Variants in DOCK7 observed in about 807,000 individuals in gnomAD.
The protein encoded by DOCK7 is dedicator of cytokinesis 7.
In DOCK7, 138 loss-of-function variants were observed where a neutral mutation model predicts 271.0. The ratio of observed to expected loss-of-function variants is 0.51; its 90% CI spans 0.44 to 0.59. The LOEUF is 0.59. DOCK7 is among the 20% of genes least tolerant of loss of function. The pLI, the probability that DOCK7 is intolerant of heterozygous loss-of-function variation, is 0.00. For synonymous variants in DOCK7, 823 were observed against 876.1 expected (o/e 0.94, Z 1.07); for missense variants, 2,066 against 2,592.4 (o/e 0.80, Z 4.41).
chr1:62,517,247 C>T (rs150530334), intron 31 of DOCK7, among the ~76,000 whole-genome samples: 163 of 152,252 alleles, frequency 1.1e-3, no homozygotes, highest in African/African-American at 3.6e-3. Context: ...CCTAAATTTC[C>T]ATTTTAGGTA....
chr1:62,598,008 T>A (rs1649539520), intron 14 of DOCK7: 1 of 1,572,398 alleles, frequency 6.4e-7, no homozygotes, highest in East Asian at 2.3e-5. Context: ...ACTAACTAAC[T>A]TAATTCAAAA....
At chr1:62,485,138 A>G in intron 43 of DOCK7, 2 of 985,028 alleles carry the variant, frequency 2.0e-6, no homozygotes, top group Non-Finnish European at 2.4e-6. Flanking sequence ...CCCATCTCAT[A>G]AACAAAAATT....
chr1:62,506,886 G>A (rs940954848), intron 35 of DOCK7, among the ~76,000 whole-genome samples: 2 of 151,420 alleles, frequency 1.3e-5, no homozygotes, highest in Non-Finnish European at 2.9e-5. Flanking sequence ...GGCGGAGGTT[G>A]TGGTGAGCTG....
intron 1 of DOCK7, among the ~76,000 whole-genome samples, chr1:62,670,773 C>G (rs1659893699): frequency 6.6e-6 from 1 of 152,158 alleles, no homozygotes; most frequent in Non-Finnish European, 1.5e-5. Flanking sequence ...CCACTCGACT[C>G]TACCAATCAG....
At chr1:62,487,197 A>G (rs1438523842) in intron 43 of DOCK7, 2 of 432,302 alleles carry the variant, frequency 4.6e-6, no homozygotes, top group East Asian at 3.3e-5. Flanking sequence ...ATGGATTTCC[A>G]TGCACTGCCT....
chr1:62,612,905 G>A (rs1249972740), intron 14 of DOCK7, among the ~76,000 whole-genome samples: 1 of 152,138 alleles, frequency 6.6e-6, no homozygotes, highest in Non-Finnish European at 1.5e-5. Flanking sequence ...GCCATTACTG[G>A]AAATGCGGCT....
chr1:62,492,767 T>C lies in DOCK7; in HGVS notation c.5298A>G (p.Gly1766=). 1.9e-6 allele frequency: 3 copies of C among 1,614,114 alleles called. No individual in the cohort carries two copies. Among genetic ancestry groups the C allele is most frequent in the Non-Finnish European group, 2.5e-6 (3 of 1,179,988 alleles). Residue 1766 remains glycine (G), a synonymous_variant, in exon 41 of 50, where the codon GGA becomes GGG. Transcript: ENST00000635253. ...VSPDEEGICS[G]KYFTESGLVG... ...CAAGTCCTGACTCAGTAAAGTATTT[T>C]CCAGAGCAGATACCTTCTTCATCTG...
intron 14 of DOCK7, among the ~76,000 whole-genome samples, chr1:62,610,677 T>C (rs368381717): frequency 2.6e-5 from 4 of 152,216 alleles, no homozygotes; most frequent in African/African-American, 9.6e-5. Flanking sequence ...GTGTTCTCAT[T>C]GTTTAGCTCC....
At chr1:62,486,516 T>C (rs543394494) in intron 43 of DOCK7, 3 of 152,114 alleles carry the variant, frequency 2.0e-5, no homozygotes, top group African/African-American at 7.2e-5. Flanking sequence ...GCATATTTTA[T>C]AGAATTATTT....
chr1:62,539,766 A>G lies in DOCK7; in HGVS notation c.3172T>C (p.Ser1058Pro). The stretch of plus-strand genomic sequence containing the variant: ...GTTATCATTACCTTCTGAAATCGTG[A>G]AACTATATCACTAGCAATCGTGCTG... Reference protein sequence around the residue: ...LVSTIASDIVSRFQKDTEMVE... With the variant: ...LVSTIASDIVPRFQKDTEMVE... Residue 1058 changes from serine (S) to proline (P), a missense_variant, in exon 26 of 50, where the codon TCA becomes CCA. By Grantham distance (74) the Ser-to-Pro change is moderately conservative. This residue lies in a region of DOCK7 where 1,414 missense variants were observed against 1,670.4 expected (regional missense o/e 0.85). Transcript: ENST00000635253. 1 of 1,612,942 alleles carries G rather than the reference A, an allele frequency of 6.2e-7. No homozygotes were observed. The highest frequency in any genetic ancestry group is 8.5e-7 in the Non-Finnish European group (1 of 1,179,688).
chr1:62,529,983 T>TTA (rs1269751048), intron 29 of DOCK7, among the ~76,000 whole-genome samples: 26 of 152,202 alleles, frequency 1.7e-4, no homozygotes, highest in Non-Finnish European at 2.9e-5. Flanking sequence ...CCTTACAACT[T>TTA]TTTTAGACTC....
chr1:62,662,193 T>A (rs1171854305), intron 2 of DOCK7, among the ~76,000 whole-genome samples: 1 of 152,204 alleles, frequency 6.6e-6, no homozygotes, highest in Non-Finnish European at 1.5e-5. Flanking sequence ...AAAAATGACC[T>A]CTAATTTTAA....
At chr1:62,505,937 T>C in intron 35 of DOCK7, 121 bp from the exon 36 acceptor site, 1 of 931,956 alleles carries the variant, frequency 1.1e-6, no homozygotes, top group Non-Finnish European at 1.5e-6. Flanking sequence ...TTTTAAAAGA[T>C]AAAAAAATGA....
intron 48 of DOCK7, among the ~76,000 whole-genome samples, chr1:62,467,682 A>C (rs970574845): frequency 2.6e-5 from 4 of 151,982 alleles, no homozygotes; most frequent in African/African-American, 7.2e-5. Flanking sequence ...ACATTCAAAG[A>C]AGAACTGGTA....
chr1:62,513,648 T>C (rs1441353436), intron 32 of DOCK7, 42 bp from the exon 33 acceptor site: 2 of 1,601,708 alleles, frequency 1.2e-6, no homozygotes, highest in Non-Finnish European at 8.5e-7. Context: ...TTGAGGAAAT[T>C]TTCTTCTATT....
intron 11 of DOCK7, chr1:62,629,321 A>G (rs565105381): frequency 6.6e-5 from 10 of 152,248 alleles, no homozygotes; most frequent in Non-Finnish European, 1.2e-4. Flanking sequence ...CATTATGCAT[A>G]ATAAACTAAA....
chr1:62,605,568 A>C (rs1451753693), intron 14 of DOCK7: 1 of 152,432 alleles, frequency 6.6e-6, no homozygotes, highest in East Asian at 1.9e-4. Flanking sequence ...TATGAAAACA[A>C]ATAATTGTAA....
intron 7 of DOCK7, among the ~76,000 whole-genome samples, chr1:62,642,131 C>T (rs550706816): frequency 4.8e-5 from 7 of 145,696 alleles, no homozygotes; most frequent in Admixed American, 2.8e-4. Flanking sequence ...TTTTTTGAGA[C>T]GGAGTCTTGC....
intron 14 of DOCK7, among the ~76,000 whole-genome samples, chr1:62,587,290 C>T (rs976535971): frequency 8.1e-6 from 1 of 124,178 alleles, no homozygotes. Context: ...AGAAAAGACA[C>T]CAAATAGCTA....
Sources: gnomAD v4.1 joint callset for allele counts (sites outside exome capture counted in the v4.1 genomes callset) on GRCh38, gnomAD v4.1.1 for gene constraint, gnomAD v4.1.1 regional missense constraint, MANE v1.5 for transcripts, NCBI Gene and HGNC (gene_info 2026-07-23, HGNC 2026-07-21) for gene names.